The following PDZD7 variants were observed in gnomAD, a reference collection of about 807,000 sequenced individuals.
PDZD7 encodes the protein PDZ domain-containing protein 7.
In PDZD7, 72 loss-of-function variants were observed where a neutral mutation model predicts 84.7. The ratio of observed to expected loss-of-function variants is 0.85; its 90% CI spans 0.70 to 1.03. The LOEUF (loss-of-function observed/expected upper bound fraction) is 1.03, where lower values mean the gene tolerates loss of function less well. Among genes scored for constraint, PDZD7 ranks in the 50% least tolerant of loss-of-function variants. The pLI is 0.00. For synonymous variants in PDZD7, 594 were observed against 580.7 expected, an observed-to-expected ratio of 1.02 and a Z score of -0.33; for missense variants, 1,490 against 1,412.9, an observed-to-expected ratio of 1.05 and a Z score of -0.87.
Position 101,018,244 on chromosome 10 carries a change from ACCCTTCT to A in PDZD7, c.1370_1376del (p.Glu457ValfsTer9). The A allele has an allele frequency of 6.2e-7, 1 of 1,613,818 alleles. No homozygotes were observed. The highest frequency in any genetic ancestry group is 8.5e-7 in the Non-Finnish European group (1 of 1,179,956). ...TCAGCGTCTTGGAGCGCTGCAGGGC[ACCCTTCT>A]CCCCAGGGGACCCCGACTTCTCCTT... On this transcript the variant is annotated frameshift_variant, in exon 9 of 17. Transcript: ENST00000619208. LOFTEE classifies it high-confidence loss of function.
intron 2 of PDZD7, among the ~76,000 whole-genome samples, chr10:101,026,499 AC>A (rs1674387842): frequency 6.8e-6 from 1 of 148,026 alleles, no homozygotes; most frequent in Admixed American, 6.7e-5. Context: ...AAGGGGGGGC[AC>A]TGATGAGGGG....
chr10:101,021,494 A>G (rs1420248137), intron 6 of PDZD7, among the ~76,000 whole-genome samples: 3 of 152,046 alleles, frequency 2.0e-5, no homozygotes, highest in African/African-American at 7.2e-5. Context: ...TCTGGGCAAG[A>G]CATTTGTTCC....
intron 2 of PDZD7, among the ~76,000 whole-genome samples, chr10:101,025,276 CT>C (rs1937624014): frequency 6.6e-6 from 1 of 152,022 alleles, no homozygotes; most frequent in Non-Finnish European, 1.5e-5. Context: ...GTGATGCAAT[CT>C]CGGTTCACTG....
At chr10:101,014,453 C>G (rs543418301) in intron 11 of PDZD7, among the ~76,000 whole-genome samples, 1 of 152,080 alleles carries the variant, frequency 6.6e-6, no homozygotes, top group Non-Finnish European at 1.5e-5. Flanking sequence ...AGACCCAGAG[C>G]CCCACCTCGT....
chr10:101,019,329 G>T, intron 7 of PDZD7, 112 bp from the exon 8 acceptor site: 1 of 1,365,136 alleles, frequency 7.3e-7, no homozygotes, highest in Non-Finnish European at 9.9e-7. Context: ...CAGCAGCCAG[G>T]GTTAGAACCG....
chr10:101,014,406 A>G (rs1011113478), intron 11 of PDZD7, among the ~76,000 whole-genome samples: 1 of 151,880 alleles, frequency 6.6e-6, no homozygotes, highest in Admixed American at 6.6e-5. Flanking sequence ...GGCAGAGGAG[A>G]AGGGAGGGAT....
Position 101,011,929 on chromosome 10 carries a change from C to A in PDZD7, c.1929G>T (p.Arg643Ser). The stretch of plus-strand genomic sequence containing the variant: ...GCCCCGCCCCCCACTGCTGACCTGC[C>A]CTGCTCTTGAGGGCCTCAAAAGCCT... Reference protein sequence around the residue: ...ELEAFEALKSRAVRPPALRPA... With the variant: ...ELEAFEALKSSAVRPPALRPA... Residue 643 changes from arginine to serine, a missense_variant, in exon 13 of 17, where the codon AGG becomes AGT. Coordinates refer to ENST00000619208, the MANE Select transcript of PDZD7 (RefSeq NM_001195263.2). 1 of 1,550,236 alleles carries A rather than the reference C, an allele frequency of 6.5e-7. No homozygotes were observed. Among genetic ancestry groups the A allele is most frequent in the Non-Finnish European group, 8.7e-7 (1 of 1,146,978 alleles).
rs1852267339 is a variant in PDZD7 at position 101,007,874 on chromosome 10, G to GA, written c.*592dup. ...GGATAAAGAGTACAGGAACTTGTTT[G>GA]ACCCCCCCCCCCCCACCATTTGCTG... On this transcript the variant is annotated 3_prime_UTR_variant, in exon 17 of 17. Coordinates refer to ENST00000619208, the MANE Select transcript of PDZD7 (RefSeq NM_001195263.2). 1.9e-4 allele frequency: 5 copies of GA among 26,700 alleles called. No homozygotes were observed. Among genetic ancestry groups the GA allele is most frequent in the Admixed American group, 5.8e-4 (1 of 1,722 alleles). 1.7% of individuals were successfully genotyped at this position (26,700 alleles called of 1,614,324 possible). A position where few individuals can be genotyped will look rare whatever the true frequency, so the allele number is the denominator to read the frequency against.
rs1852803254 is a variant in PDZD7, at chr10:101,018,106, T to C, written c.1515A>G (p.Ile505Met). Residue 505 changes from isoleucine to methionine, a missense_variant, in exon 9 of 17, where the codon ATA becomes ATG. Ile to Met is a conservative substitution (Grantham distance 10). Transcript: ENST00000619208. Reference protein sequence around the residue: ...SLAKTYPRLDIEKAGGVGPVQ... With the variant: ...SLAKTYPRLDMEKAGGVGPVQ... ...GATCAGCCCACTACTTACCTTTCTC[T>C]ATGTCCAGGCGAGGGTAAGTTTTGG... 1.9e-6 allele frequency: 3 copies of C among 1,614,212 alleles called. No individual in the cohort carries two copies. In the South Asian group the frequency reaches 3.3e-5, roughly 18 times the overall value.
Position 101,030,313 on chromosome 10 carries a change from T to C in PDZD7, c.-94A>G, listed in dbSNP as rs1223717213. On this transcript the variant is annotated 5_prime_UTR_variant, in exon 2 of 17. Coordinates refer to ENST00000619208, the MANE Select transcript of PDZD7 (RefSeq NM_001195263.2). ...GCGTGCTTCGAGCTCCATGAGCCTC[T>C]GTGCGGGGCTGGGGTCTCAGTAACG... 4.6e-6 allele frequency: 5 copies of C among 1,091,390 alleles called. No homozygotes were observed. Among genetic ancestry groups the C allele is most frequent in the Non-Finnish European group, 5.4e-6 (4 of 740,420 alleles). The allele number at this position is 1,091,390 out of a possible 1,614,324, so 67.6% of individuals were successfully genotyped here.
chr10:101,018,542 T>C (rs1852846586), intron 8 of PDZD7, among the ~76,000 whole-genome samples: 1 of 152,130 alleles, frequency 6.6e-6, no homozygotes, highest in Non-Finnish European at 1.5e-5. Flanking sequence ...GTGCGTGTGT[T>C]TGAGCAACTG....
intron 2 of PDZD7, among the ~76,000 whole-genome samples, chr10:101,024,428 G>C (rs570452513): frequency 6.7e-6 from 1 of 149,568 alleles, no homozygotes; most frequent in African/African-American, 2.5e-5. Context: ...ATTTTTTGTA[G>C]AGGCAGGGTC....
chr10:101,021,060 G>A (rs1236562836), intron 6 of PDZD7, among the ~76,000 whole-genome samples: 2 of 152,158 alleles, frequency 1.3e-5, no homozygotes, highest in East Asian at 3.8e-4. Context: ...CACAGTGGCC[G>A]GCACATAGTG....
intron 7 of PDZD7, among the ~76,000 whole-genome samples, chr10:101,020,336 C>G (rs1853013825): frequency 1.3e-5 from 2 of 151,862 alleles, no homozygotes; most frequent in African/African-American, 4.8e-5. Flanking sequence ...GAACTCCCAA[C>G]CTCAGGTGAT....
Position 101,010,553 on chromosome 10 carries a change from C to CGGCTGT in PDZD7, c.2335_2336insACAGCC (p.Ser778_Arg779insHisSer), listed in dbSNP as rs2133998918. On this transcript the variant is annotated inframe_insertion, in exon 15 of 17. Transcript: ENST00000619208. ...ACCCCGGCTGCTGCGGCTGCGGCTGCGGCTACGGCTGCGGCTACGGCTCTG... is the reference window on the plus strand; with the variant it reads ...ACCCCGGCTGCTGCGGCTGCGGCTGCGGCTGTGGCTACGGCTGCGGCTACGGCTCTG... 16 of 1,491,558 alleles carry CGGCTGT rather than the reference C, an allele frequency of 1.1e-5. No homozygotes were observed. The highest frequency in any genetic ancestry group is 1.2e-5 in the Non-Finnish European group (13 of 1,109,236). The allele number at this position is 1,491,558 out of a possible 1,614,324, so 92.4% of individuals were successfully genotyped here.
At chr10:101,023,280 C>T (rs1451307522) in intron 4 of PDZD7, 156 bp downstream of exon 4, 6 of 816,944 alleles carry the variant, frequency 7.3e-6, no homozygotes, top group Non-Finnish European at 1.0e-5. Flanking sequence ...GATGCAGCCT[C>T]TCCTTATTTT....
chr10:101,016,332 C>A, intron 10 of PDZD7, 45 bp downstream of exon 10: 2 of 1,545,594 alleles, frequency 1.3e-6, no homozygotes, highest in Non-Finnish European at 1.7e-6. Flanking sequence ...CCTCATCTGC[C>A]GCTCTACTGT....
intron 14 of PDZD7, 76 bp from the exon 15 acceptor site, chr10:101,010,959 G>C: frequency 6.5e-7 from 1 of 1,529,832 alleles, no homozygotes; most frequent in Non-Finnish European, 8.7e-7. Flanking sequence ...TTTGTGTGGG[G>C]CCTGTGAGAG....
chr10:101,027,086 T>C (rs2134131642), intron 2 of PDZD7, among the ~76,000 whole-genome samples: 1 of 152,330 alleles, frequency 6.6e-6, no homozygotes, highest in East Asian at 1.9e-4. Flanking sequence ...CTTCCACTCT[T>C]GCCGCCTTTA....
Sources: allele counts gnomAD v4.1 joint callset (sites outside exome capture counted in the v4.1 genomes callset), GRCh38; gene constraint gnomAD v4.1.1; transcripts MANE v1.5; gene names NCBI Gene and HGNC (gene_info 2026-07-23, HGNC 2026-07-21).